MOSMO: variants seen among roughly 807,000 people sequenced by gnomAD.
MOSMO encodes modulator of smoothened protein.
A neutral mutation model predicts 18.4 loss-of-function variants in MOSMO; 5 were observed. That is an observed-to-expected ratio of 0.27 (90% CI 0.14 to 0.57). The LOEUF is 0.57. MOSMO is among the 20% of genes least tolerant of loss of function. The probability of loss-of-function intolerance (pLI) is 0.92; values close to 1 mark genes in which losing one functional copy is unlikely to be tolerated. For synonymous variants in MOSMO, 82 were observed against 82.3 expected, an observed-to-expected ratio of 1.00 and a Z score of 0.02; for missense variants, 138 against 211.8, an observed-to-expected ratio of 0.65 and a Z score of 2.16.
At chr16:22,075,380 C>A in intron 1 of MOSMO, 107 bp from the exon 2 acceptor site, 2 of 792,460 alleles carry the variant, frequency 2.5e-6, no homozygotes, top group South Asian at 1.6e-5. Context: ...GCTTGAATGA[C>A]CCACGAAGAG....
chr16:22,017,237 T>G (rs1177646427), intron 1 of MOSMO, among the ~76,000 whole-genome samples: 3 of 152,200 alleles, frequency 2.0e-5, no homozygotes, highest in African/African-American at 7.2e-5. Context: ...TAAGAACTTG[T>G]TCGTGCAACC....
chr16:22,073,133 C>T (rs961602793), intron 1 of MOSMO, among the ~76,000 whole-genome samples: 3 of 152,000 alleles, frequency 2.0e-5, no homozygotes, highest in African/African-American at 7.3e-5. Flanking sequence ...ATTTCTAACG[C>T]TGAGAGAGTA....
intron 1 of MOSMO, among the ~76,000 whole-genome samples, chr16:22,073,102 CAGG>C (rs1900891588): frequency 1.3e-5 from 2 of 152,042 alleles, no homozygotes; most frequent in South Asian, 4.1e-4. Flanking sequence ...TCTACAGGCA[CAGG>C]AGGTTAAGTT....
At chr16:22,051,891 G>T (rs1352478603) in intron 1 of MOSMO, among the ~76,000 whole-genome samples, 1 of 152,140 alleles carries the variant, frequency 6.6e-6, no homozygotes, top group Admixed American at 6.5e-5. Context: ...CCTGGCTGGT[G>T]TCCACTGCTT....
intron 1 of MOSMO, among the ~76,000 whole-genome samples, chr16:22,048,151 T>C (rs1900352055): frequency 6.6e-6 from 1 of 152,126 alleles, no homozygotes; most frequent in African/African-American, 2.4e-5. Flanking sequence ...ATAACACAGA[T>C]TATAGAGCCA....
At chr16:22,029,197 G>T (rs970239691) in intron 1 of MOSMO, among the ~76,000 whole-genome samples, 1 of 152,150 alleles carries the variant, frequency 6.6e-6, no homozygotes, top group Non-Finnish European at 1.5e-5. Context: ...AGTCCTAAAA[G>T]TCAGATGGTT....
chr16:22,031,171 C>T (rs1394066965), intron 1 of MOSMO, among the ~76,000 whole-genome samples: 1 of 151,958 alleles, frequency 6.6e-6, no homozygotes, highest in Non-Finnish European at 1.5e-5. Context: ...GAAGGAAGGG[C>T]CGTAAGAATG....
chr16:22,044,338 A>C (rs1339213181), intron 1 of MOSMO, among the ~76,000 whole-genome samples: 1 of 152,198 alleles, frequency 6.6e-6, no homozygotes, highest in Non-Finnish European at 1.5e-5. Context: ...AACATTAATA[A>C]TAACTAATTT....
intron 1 of MOSMO, among the ~76,000 whole-genome samples, chr16:22,045,542 G>A (rs972622690): frequency 4.6e-5 from 7 of 152,112 alleles, no homozygotes; most frequent in African/African-American, 9.7e-5. Flanking sequence ...GATTTCCTAC[G>A]CTAAAAGGGT....
chr16:22,038,127 A>G (rs1049920624), intron 1 of MOSMO, among the ~76,000 whole-genome samples: 1 of 152,240 alleles, frequency 6.6e-6, no homozygotes, highest in Non-Finnish European at 1.5e-5. Context: ...TGGAAATCCC[A>G]GGGATCTCAG....
chr16:22,034,958 T>C (rs996217652), intron 1 of MOSMO, among the ~76,000 whole-genome samples: 6 of 152,014 alleles, frequency 3.9e-5, no homozygotes, highest in Admixed American at 2.0e-4. Context: ...GGTCTCAAAC[T>C]CCTGGCCTCA....
intron 1 of MOSMO, among the ~76,000 whole-genome samples, chr16:22,030,134 T>A (rs1899963826): frequency 6.6e-6 from 1 of 152,130 alleles, no homozygotes; most frequent in African/African-American, 2.4e-5. Flanking sequence ...AAGGACATCA[T>A]TGTGTTATTT....
Position 22,039,994 on chromosome 16 carries a change from A to G in MOSMO, c.106+31587A>G, listed in dbSNP as rs1047181740. ...CTACTGCTATATCTCAGCACCCAGA[A>G]TGTGCCTAGCACATGGAAGGCATTG... is the stretch of plus-strand genomic sequence containing the variant. On this transcript the variant is annotated intron_variant, in intron 1 of 2. Coordinates refer to ENST00000542527, the MANE Select transcript of MOSMO (RefSeq NM_001164579.2). Among the ~76,000 whole-genome samples, 8 of 152,228 alleles carry G rather than the reference A, an allele frequency of 5.3e-5. No homozygotes were observed. In the South Asian group the frequency reaches 1.7e-3, roughly 31 times the overall value.
chr16:22,083,794 A>G lies in MOSMO; in HGVS notation c.*2914A>G, dbSNP rs1158162660. 5 of 403,370 alleles carry G rather than the reference A, an allele frequency of 1.2e-5. No individual in the cohort carries two copies. Among genetic ancestry groups the G allele is most frequent in the African/African-American group, 4.2e-5 (2 of 47,270 alleles). 25.0% of individuals were successfully genotyped at this position (403,370 alleles called of 1,614,324 possible). On this transcript the variant is annotated 3_prime_UTR_variant, in exon 3 of 3. Coordinates refer to ENST00000542527, the MANE Select transcript of MOSMO (RefSeq NM_001164579.2). Reference sequence around the variant, plus strand: ...ACATTTTTGGAAGCTCCTATTGAACATACCCAAACATCTGTAAACATGAAA... The same window carrying G: ...ACATTTTTGGAAGCTCCTATTGAACGTACCCAAACATCTGTAAACATGAAA...
rs145892724 is a variant in MOSMO at position 22,011,088 on chromosome 16, C to A, written c.106+2681C>A. On this transcript the variant is annotated intron_variant, in intron 1 of 2. Transcript: ENST00000542527. ...AAGGTCTGAGGAAATAGAAACTGTT[C>A]GAAATAATTGCAGAGAAAGCTTGCC... 8.1e-3 allele frequency among the ~76,000 whole-genome samples: 1,227 copies of A among 152,154 alleles called. 11 individuals are homozygous for A. Among genetic ancestry groups the A allele is most frequent in the Non-Finnish European group, 0.013 (864 of 68,002 alleles).
At chr16:22,086,220 A>G (rs1323426263), downstream of MOSMO, 3 of 152,226 alleles carry the variant, frequency 2.0e-5, no homozygotes, top group African/African-American at 4.8e-5. Flanking sequence ...AAAGCATATT[A>G]TTTCCATGTT....
chr16:22,044,261 A>G (rs12325537), intron 1 of MOSMO, among the ~76,000 whole-genome samples: 9,376 of 152,224 alleles, frequency 0.062, 919 homozygotes, highest in African/African-American at 0.21. Flanking sequence ...GAAGGGATAC[A>G]TGTTTACCTG....
intron 1 of MOSMO, among the ~76,000 whole-genome samples, chr16:22,020,300 T>C (rs1899730672): frequency 6.8e-6 from 1 of 147,610 alleles, no homozygotes. Flanking sequence ...AATTTTTTTT[T>C]TTTTTTTTTT....
chr16:22,010,515 C>T (rs996694512), intron 1 of MOSMO, among the ~76,000 whole-genome samples: 9 of 152,014 alleles, frequency 5.9e-5, no homozygotes, highest in Non-Finnish European at 1.2e-4. Flanking sequence ...TAGATAGAAT[C>T]CCAATAGATA....
Sources: gnomAD v4.1 joint callset for allele counts (sites outside exome capture counted in the v4.1 genomes callset) on GRCh38, gnomAD v4.1.1 for gene constraint, MANE v1.5 for transcripts, NCBI Gene and HGNC (gene_info 2026-07-23, HGNC 2026-07-21) for gene names.